Variants in DSCAML1 observed in about 807,000 individuals in gnomAD.
DSCAML1 encodes DS cell adhesion molecule like 1.
DSCAML1 carries 38 observed loss-of-function variants against 200.5 expected under a neutral mutation model. The ratio of observed to expected loss-of-function variants is 0.19; its 90% confidence interval spans 0.15 to 0.25. The LOEUF is 0.25. DSCAML1 is among the 10% of genes least tolerant of loss of function. The probability of loss-of-function intolerance (pLI) is 1.00; values close to 1 mark genes in which losing one functional copy is unlikely to be tolerated. For synonymous variants in DSCAML1, 1,215 were observed against 1,165.0 expected (o/e 1.04, Z -0.87); for missense variants, 2,223 against 2,858.8 (o/e 0.78, Z 5.07).
At chr11:117,439,472 C>A in intron 22 of DSCAML1, 43 bp from the exon 23 acceptor site, 2 of 1,590,616 alleles carry the variant, frequency 1.3e-6, no homozygotes, top group African/African-American at 1.3e-5. Flanking sequence ...TGTCAAGCAC[C>A]CCTTCCTCCT....
intron 3 of DSCAML1, among the ~76,000 whole-genome samples, chr11:117,673,278 T>G (rs1348086239): frequency 6.6e-6 from 1 of 152,194 alleles, no homozygotes; most frequent in Non-Finnish European, 1.5e-5. Flanking sequence ...TATCAATGAT[T>G]TCTGAATTAT....
At chr11:117,793,357 AG>A (rs1368116751) in intron 1 of DSCAML1, among the ~76,000 whole-genome samples, 1 of 152,108 alleles carries the variant, frequency 6.6e-6, no homozygotes, top group Non-Finnish European at 1.5e-5. Flanking sequence ...ATCACGGAGG[AG>A]GGAAGAAGCT....
At chr11:117,774,097 A>C (rs988884690) in intron 3 of DSCAML1, among the ~76,000 whole-genome samples, 1 of 151,994 alleles carries the variant, frequency 6.6e-6, no homozygotes, top group Non-Finnish European at 1.5e-5. Context: ...CTTCTCTCCT[A>C]TCTGATCTGG....
At chr11:117,651,568 C>T (rs961531747) in intron 3 of DSCAML1, among the ~76,000 whole-genome samples, 17 of 151,492 alleles carry the variant, frequency 1.1e-4, no homozygotes, top group Admixed American at 3.9e-4. Context: ...AAAAATTAGC[C>T]GGCCGTGGTG....
Position 117,777,068 on chromosome 11 carries a change from C to G in DSCAML1, c.365-131G>C, listed in dbSNP as rs2055140733. The G allele has an allele frequency of 6.1e-6, 6 of 984,728 alleles. No individual in the cohort carries two copies. The Admixed American group carries it at 7.2e-5, about 12-fold the overall frequency. The allele number at this position is 984,728 out of a possible 1,614,324, so 61.0% of individuals were successfully genotyped here. On this transcript the variant is annotated intron_variant, in intron 2 of 32. Transcript: ENST00000651296. The stretch of plus-strand genomic sequence containing the variant: ...TCACCTTCCCACTTCTTCCTTCCCC[C>G]ATCCTGCTTAGCCAGCCTAGAAGCC...
At chr11:117,814,639 C>A (rs1056638131) in intron 1 of DSCAML1, among the ~76,000 whole-genome samples, 1 of 152,232 alleles carries the variant, frequency 6.6e-6, no homozygotes, top group Non-Finnish European at 1.5e-5. Context: ...GGTGGGTGAA[C>A]TTTCAGATGC....
Position 117,430,983 on chromosome 11 carries a change from C to T in DSCAML1, c.5425G>A (p.Glu1809Lys), listed in dbSNP as rs1394687991. The T allele has an allele frequency of 3.1e-6, 5 of 1,613,940 alleles. No homozygotes were observed. Among genetic ancestry groups the T allele is most frequent in the Non-Finnish European group, 4.2e-6 (5 of 1,180,018 alleles). ...TGCTCATAGGCCCGGGCCAGCTCCT[C>T]GTAGGTGGAAGAGGCACTCTCAGTG... ...VSTESASSTY[E>K]ELARAYEHAK... Residue 1809 changes from glutamate to lysine, a missense_variant, in exon 32 of 33, where the codon GAG becomes AAG. Coordinates refer to ENST00000651296, the MANE Select transcript of DSCAML1 (RefSeq NM_020693.4).
chr11:117,797,382 G>T, upstream of DSCAML1: 2 of 880,670 alleles, frequency 2.3e-6, no homozygotes, highest in Non-Finnish European at 3.1e-6. Flanking sequence ...AGGAGCGGCG[G>T]CCCGGGCCAG....
chr11:117,561,068 G>T lies in DSCAML1; in HGVS notation c.512-28546C>A, dbSNP rs1392863477. On this transcript the variant is annotated intron_variant, in intron 3 of 32. Coordinates refer to ENST00000651296, the MANE Select transcript of DSCAML1 (RefSeq NM_020693.4). ...CAGGAGAGCTCAGGCTGCAGGGGCA[G>T]ACCCCTCCCCAGGCTGTTGTGGACA... Among the ~76,000 whole-genome samples, 3 of 152,210 alleles carry T rather than the reference G, an allele frequency of 2.0e-5. No homozygotes were observed. The East Asian group carries it at 5.8e-4, about 29-fold the overall frequency.
chr11:117,784,419 A>G (rs773506213), intron 1 of DSCAML1, among the ~76,000 whole-genome samples: 4 of 152,338 alleles, frequency 2.6e-5, no homozygotes, highest in African/African-American at 9.6e-5. Flanking sequence ...TGAGGCACAG[A>G]CCAGCAAATA....
At chr11:117,487,291 TTA>T (rs2049093903) in intron 11 of DSCAML1, among the ~76,000 whole-genome samples, 1 of 152,070 alleles carries the variant, frequency 6.6e-6, no homozygotes, top group Admixed American at 6.6e-5. Flanking sequence ...GAATATACTA[TTA>T]TAATTAATCT....
intron 3 of DSCAML1, among the ~76,000 whole-genome samples, chr11:117,626,834 A>T (rs931067347): frequency 6.6e-6 from 1 of 152,164 alleles, no homozygotes; most frequent in African/African-American, 2.4e-5. Flanking sequence ...CCTGGCCATG[A>T]GCGGCAGGTG....
intron 3 of DSCAML1, among the ~76,000 whole-genome samples, chr11:117,543,382 G>C (rs1348563609): frequency 6.6e-6 from 1 of 151,974 alleles, no homozygotes; most frequent in Non-Finnish European, 1.5e-5. Flanking sequence ...GGCATGTTGT[G>C]TATCTGTGCT....
intron 1 of DSCAML1, among the ~76,000 whole-genome samples, chr11:117,813,722 C>T (rs779104135): frequency 9.2e-5 from 14 of 152,162 alleles, no homozygotes; most frequent in African/African-American, 3.4e-4. Flanking sequence ...CACAAGACCT[C>T]CCTTCAGCTT....
chr11:117,754,635 T>C (rs575934758), intron 3 of DSCAML1, among the ~76,000 whole-genome samples: 8 of 152,226 alleles, frequency 5.3e-5, no homozygotes, highest in African/African-American at 1.7e-4. Flanking sequence ...GCTAACTGGC[T>C]CACCCCATTT....
intron 3 of DSCAML1, among the ~76,000 whole-genome samples, chr11:117,684,746 T>C (rs985939414): frequency 3.9e-5 from 6 of 152,264 alleles, no homozygotes; most frequent in Admixed American, 1.3e-4. Context: ...TTGTGTGTGC[T>C]TGAGAACAAA....
chr11:117,768,261 A>T (rs2054934444), intron 3 of DSCAML1, among the ~76,000 whole-genome samples: 1 of 152,206 alleles, frequency 6.6e-6, no homozygotes, highest in Admixed American at 6.5e-5. Context: ...GTACTAGTGA[A>T]TCTAGAGATT....
intron 3 of DSCAML1, among the ~76,000 whole-genome samples, chr11:117,609,922 G>A (rs924025884): frequency 3.3e-5 from 5 of 152,132 alleles, no homozygotes; most frequent in African/African-American, 9.7e-5. Flanking sequence ...GGTAGAAACC[G>A]AGAGGGTCTG....
chr11:117,435,737 T>C lies in DSCAML1; in HGVS notation c.4783A>G (p.Ile1595Val), dbSNP rs201565316. 36 of 1,613,626 alleles carry C rather than the reference T, an allele frequency of 2.2e-5. No individual in the cohort carries two copies. The Admixed American group carries it at 3.5e-4, about 16-fold the overall frequency. The change falls in exon 27 of 33, where the codon ATC becomes GTC. Residue 1595 changes from isoleucine (I) to valine (V), a missense_variant. This residue lies in a region of DSCAML1 where 614 missense variants were observed against 739.1 expected (regional missense o/e 0.83). Coordinates refer to ENST00000651296, the MANE Select transcript of DSCAML1 (RefSeq NM_020693.4). ...EGDDVKKLFT[I>V]GCPVILATLG... ...GTGGCCAGGATGACAGGGCAGCCGATGGTGAACAGCTTCTTCACATCATCC... is the reference window on the plus strand; with the variant it reads ...GTGGCCAGGATGACAGGGCAGCCGACGGTGAACAGCTTCTTCACATCATCC...
Sources: allele counts gnomAD v4.1 joint callset (sites outside exome capture counted in the v4.1 genomes callset), GRCh38; gene constraint gnomAD v4.1.1; regional missense constraint gnomAD v4.1.1; transcripts MANE v1.5; gene names NCBI Gene and HGNC (gene_info 2026-07-23, HGNC 2026-07-21).